The following MAF variants were observed in gnomAD, a reference collection of about 807,000 sequenced individuals.
MAF encodes transcription factor Maf.
In MAF, 10 loss-of-function variants were observed where a neutral mutation model predicts 22.0. The observed-to-expected ratio is 0.45, with a 90% CI of 0.28 to 0.77. The LOEUF (loss-of-function observed/expected upper bound fraction) is 0.77, where lower values mean the gene tolerates loss of function less well. MAF is among the 30% of genes least tolerant of loss of function. The probability of loss-of-function intolerance (pLI) is 0.12; values close to 1 mark genes in which losing one functional copy is unlikely to be tolerated. For missense variants in MAF, 544 were observed against 548.4 expected (o/e 0.99, Z 0.08); for synonymous variants, 337 against 255.8 (o/e 1.32, Z -3.03).
chr16:79,292,713 T>C, the MAF span, among the ~76,000 whole-genome samples: 1,965 of 152,192 alleles, frequency 0.013, 46 homozygotes, highest in African/African-American at 0.045. Context: ...TAGCACAAGA[T>C]ACAGGGTACA....
At chr16:79,447,583 A>T in the MAF span, among the ~76,000 whole-genome samples, 4 of 152,340 alleles carry the variant, frequency 2.6e-5, no homozygotes, top group South Asian at 8.3e-4. Context: ...TGGGCAAAGT[A>T]AATTGAAAAC....
the MAF span, among the ~76,000 whole-genome samples, chr16:79,253,175 CG>C: frequency 1.3e-5 from 2 of 152,104 alleles, no homozygotes; most frequent in East Asian, 3.9e-4. Flanking sequence ...ACAGCCCTGA[CG>C]CAAGGATGCT....
chr16:79,290,771 G>C, the MAF span, among the ~76,000 whole-genome samples: 3 of 151,996 alleles, frequency 2.0e-5, no homozygotes, highest in Non-Finnish European at 4.4e-5. Context: ...CCAACTCCCA[G>C]GGCGAATTTG....
At chr16:79,269,623 G>A in the MAF span, among the ~76,000 whole-genome samples, 26 of 152,200 alleles carry the variant, frequency 1.7e-4, 1 homozygote, top group South Asian at 1.9e-3. Context: ...CTGAAACTCC[G>A]GTGAACTTCA....
chr16:79,560,780 C>G, the MAF span, among the ~76,000 whole-genome samples: 1 of 152,166 alleles, frequency 6.6e-6, no homozygotes, highest in Non-Finnish European at 1.5e-5. Context: ...AGCCCATTCA[C>G]GTTTTCATAA....
chr16:79,587,160 C>A (rs30404), intron 1 of MAF, among the ~76,000 whole-genome samples: 116,340 of 152,218 alleles, frequency 0.76, 46,748 homozygotes, highest in East Asian at 0.9. Context: ...ACCCTTGTAT[C>A]TGTCAAAGTT....
At chr16:79,527,165 T>G in the MAF span, among the ~76,000 whole-genome samples, 1 of 152,174 alleles carries the variant, frequency 6.6e-6, no homozygotes, top group Non-Finnish European at 1.5e-5. Flanking sequence ...ACAGACCACA[T>G]TTTTGGATCT....
the MAF span, among the ~76,000 whole-genome samples, chr16:79,385,896 C>G: frequency 2.9e-4 from 44 of 152,102 alleles, no homozygotes; most frequent in Non-Finnish European, 5.3e-4. Flanking sequence ...TAAAGAGAGA[C>G]TCTGTAACGA....
chr16:79,486,724 A>G, the MAF span, among the ~76,000 whole-genome samples: 1 of 152,234 alleles, frequency 6.6e-6, no homozygotes. Flanking sequence ...TCTTAAATTC[A>G]TTTGACCACT....
At chr16:79,246,284 T>A in the MAF span, among the ~76,000 whole-genome samples, 2 of 152,190 alleles carry the variant, frequency 1.3e-5, no homozygotes, top group Admixed American at 1.3e-4. Flanking sequence ...TACTTTGGAC[T>A]GTCTAAATTT....
At chr16:79,565,063 C>G in the MAF span, among the ~76,000 whole-genome samples, 17 of 152,284 alleles carry the variant, frequency 1.1e-4, no homozygotes, top group South Asian at 3.3e-3. Context: ...AAATAAACAG[C>G]TTTGCAAGGG....
the MAF span, among the ~76,000 whole-genome samples, chr16:79,552,355 C>A: frequency 6.6e-6 from 1 of 152,058 alleles, no homozygotes; most frequent in Admixed American, 6.6e-5. Flanking sequence ...TACTGGTGTG[C>A]ACCACCACAT....
At chr16:79,336,446 C>G in the MAF span, among the ~76,000 whole-genome samples, 3 of 152,226 alleles carry the variant, frequency 2.0e-5, no homozygotes, top group African/African-American at 7.2e-5. Context: ...CCTAATTATT[C>G]TATTAGCTTC....
At chr16:79,404,486 C>T in the MAF span, among the ~76,000 whole-genome samples, 2 of 152,202 alleles carry the variant, frequency 1.3e-5, no homozygotes, top group African/African-American at 4.8e-5. Flanking sequence ...AGCATTTTCC[C>T]CTTGAAGAGC....
chr16:79,425,647 T>C, the MAF span, among the ~76,000 whole-genome samples: 2 of 149,398 alleles, frequency 1.3e-5, no homozygotes, highest in Non-Finnish European at 2.9e-5. Flanking sequence ...AATTCATATA[T>C]GGAGCATCAA....
chr16:79,429,013 C>T, the MAF span, among the ~76,000 whole-genome samples: 6 of 152,086 alleles, frequency 3.9e-5, no homozygotes, highest in African/African-American at 9.7e-5. Context: ...TAGTTCATTT[C>T]GAGTCCATCC....
chr16:79,556,905 C>T, the MAF span, among the ~76,000 whole-genome samples: 2 of 151,866 alleles, frequency 1.3e-5, no homozygotes, highest in African/African-American at 4.8e-5. Context: ...GAAATGTGAT[C>T]AATAAGTACC....
At chr16:79,362,554 C>T in the MAF span, among the ~76,000 whole-genome samples, 1 of 152,146 alleles carries the variant, frequency 6.6e-6, no homozygotes, top group African/African-American at 2.4e-5. Flanking sequence ...CATGAGGAAA[C>T]AGATTTAGAA....
chr16:79,345,565 T>C, the MAF span, among the ~76,000 whole-genome samples: 1 of 151,612 alleles, frequency 6.6e-6, no homozygotes, highest in African/African-American at 2.4e-5. Context: ...CTGTCTCTAC[T>C]AAAAGCACAA....
Sources: allele counts gnomAD v4.1 joint callset (sites outside exome capture counted in the v4.1 genomes callset), GRCh38; gene constraint gnomAD v4.1.1; transcripts MANE v1.5; gene names NCBI Gene and HGNC (gene_info 2026-07-23, HGNC 2026-07-21).